VIRMA: variants seen among roughly 807,000 people sequenced by gnomAD.
The protein encoded by VIRMA is vir like m6A methyltransferase associated, also known as protein virilizer homolog.
In VIRMA, 65 loss-of-function variants were observed where a neutral mutation model predicts 182.4. That is an observed-to-expected ratio of 0.36 (90% CI 0.29 to 0.44). The LOEUF (loss-of-function observed/expected upper bound fraction) is 0.44. Among genes scored for constraint, VIRMA ranks in the 20% least tolerant of loss-of-function variants. VIRMA has a pLI of 1.00. For synonymous variants in VIRMA, 709 were observed against 743.1 expected (o/e 0.95, Z 0.75); for missense variants, 1,752 against 2,158.1 (o/e 0.81, Z 3.73).
In VIRMA at chr8:94,553,391, G is replaced by A. The variant is rs754095631; in HGVS notation, c.57C>T (p.Ser19=). The change falls in exon 1 of 24, where the codon AGC becomes AGT. Residue 19 remains serine (S), a synonymous_variant. Coordinates refer to ENST00000297591, the MANE Select transcript of VIRMA (RefSeq NM_015496.5). The part of the protein sequence containing the change: ...LLFLDTFKHP[S]AEQSSHIDVV... ...TCAAGTCGCCAAGCCTTACCTCAGC[G>A]CTCGGGTGTTTAAAAGTATCTAAAA... 1 of 1,613,968 alleles carries A rather than the reference G, an allele frequency of 6.2e-7. No individual in the cohort carries two copies. Among genetic ancestry groups the A allele is most frequent in the African/African-American group, 1.3e-5 (1 of 74,922 alleles).
At chr8:94,532,277 T>C (rs561470671) in intron 5 of VIRMA, among the ~76,000 whole-genome samples, 1 of 152,264 alleles carries the variant, frequency 6.6e-6, no homozygotes, top group Non-Finnish European at 1.5e-5. Flanking sequence ...CAGCAAATTT[T>C]TGTATTTTTA....
chr8:94,539,748 T>G (rs767732166), intron 2 of VIRMA, among the ~76,000 whole-genome samples: 33 of 152,152 alleles, frequency 2.2e-4, no homozygotes, highest in Non-Finnish European at 4.0e-4. Context: ...TAATCCCCAA[T>G]GCAACAGTGT....
intron 14 of VIRMA, among the ~76,000 whole-genome samples, 174 bp downstream of exon 14, chr8:94,510,243 A>G (rs1814316017): frequency 6.6e-6 from 1 of 152,220 alleles, no homozygotes; most frequent in African/African-American, 2.4e-5. Flanking sequence ...TTCTAATTTT[A>G]AAAGTCTACA....
intron 22 of VIRMA, 134 bp downstream of exon 22, chr8:94,491,444 A>T: frequency 1.3e-6 from 1 of 763,022 alleles, no homozygotes; most frequent in Non-Finnish European, 2.1e-6. Flanking sequence ...AAACAGTACC[A>T]CTAGTCCAGA....
intron 2 of VIRMA, among the ~76,000 whole-genome samples, chr8:94,538,810 C>T (rs777926015): frequency 2.6e-5 from 4 of 152,088 alleles, no homozygotes; most frequent in African/African-American, 4.8e-5. Context: ...AATGGGGTTT[C>T]GCTATGTTAG....
intron 15 of VIRMA, among the ~76,000 whole-genome samples, chr8:94,507,377 C>G (rs888737338): frequency 6.6e-6 from 1 of 151,692 alleles, no homozygotes; most frequent in South Asian, 2.1e-4. Context: ...TCAGGTGATC[C>G]ACCTGCCTCG....
intron 6 of VIRMA, among the ~76,000 whole-genome samples, chr8:94,530,538 A>C (rs946242534): frequency 6.6e-6 from 1 of 152,066 alleles, no homozygotes; most frequent in Admixed American, 6.6e-5. Flanking sequence ...AAAAAGAAAA[A>C]GAAAAACACA....
At chr8:94,508,141 C>T (rs1326429870) in intron 15 of VIRMA, among the ~76,000 whole-genome samples, 6 of 151,998 alleles carry the variant, frequency 3.9e-5, no homozygotes, top group South Asian at 4.1e-4. Context: ...CCCAGGAGTG[C>T]AGTGGCGCAA....
chr8:94,521,628 ACTG>A (rs1211478745), intron 8 of VIRMA, among the ~76,000 whole-genome samples: 2 of 152,214 alleles, frequency 1.3e-5, no homozygotes, highest in Non-Finnish European at 2.9e-5. Flanking sequence ...CATTTTAGTC[ACTG>A]CAAATGGTAA....
chr8:94,552,434 G>A (rs562767350), intron 1 of VIRMA, among the ~76,000 whole-genome samples: 1 of 152,150 alleles, frequency 6.6e-6, no homozygotes, highest in African/African-American at 2.4e-5. Flanking sequence ...CTGAGAAAAA[G>A]AGAAATTATA....
At chr8:94,507,388 G>GCCTC (rs1280009830) in intron 15 of VIRMA, among the ~76,000 whole-genome samples, 1 of 151,536 alleles carries the variant, frequency 6.6e-6, no homozygotes, top group Non-Finnish European at 1.5e-5. Context: ...ACCTGCCTCG[G>GCCTC]CCTCCCAAAG....
At chr8:94,519,625 G>C in intron 8 of VIRMA, 149 bp from the exon 9 acceptor site, 1 of 755,920 alleles carries the variant, frequency 1.3e-6, no homozygotes, top group South Asian at 3.3e-5. Context: ...TAATGTGAGT[G>C]GCAAGTCTTC....
Position 94,529,442 on chromosome 8 carries a change from A to G in VIRMA, c.608-100T>C, listed in dbSNP as rs930482145. On this transcript the variant is annotated intron_variant, in intron 6 of 23. Transcript: ENST00000297591. ...AACTACTTAATATTTTGGTTGATAT[A>G]GTTTATAAATACCCTTAAAAAAAAA... 6.2e-6 allele frequency: 4 copies of G among 643,278 alleles called. No individual in the cohort carries two copies. In the African/African-American group the frequency reaches 7.3e-5, roughly 12 times the overall value. 39.8% of individuals were successfully genotyped at this position (643,278 alleles called of 1,614,324 possible).
chr8:94,536,144 G>T lies in VIRMA; in HGVS notation c.315+959C>A, dbSNP rs1470130969. ...TTCTGGAGGCACGATAAGGAAAAAA[G>T]AAATTAATATTTCTTTGTTAGACTA... On this transcript the variant is annotated intron_variant, in intron 4 of 23. Coordinates refer to ENST00000297591, the MANE Select transcript of VIRMA (RefSeq NM_015496.5). Among the ~76,000 whole-genome samples, 3 of 152,158 alleles carry T rather than the reference G, an allele frequency of 2.0e-5. 1 individual carries two copies. The highest frequency in any genetic ancestry group is 2.0e-4 in the Admixed American group (3 of 15,276).
chr8:94,547,988 G>GAGC (rs777196547), intron 1 of VIRMA, among the ~76,000 whole-genome samples: 6,078 of 150,628 alleles, frequency 0.04, 219 homozygotes, highest in Non-Finnish European at 0.05. Context: ...TAAGCCATAA[G>GAGC]CACACCACTG....
chr8:94,535,064 A>G, intron 4 of VIRMA, 57 bp from the exon 5 acceptor site: 1 of 1,527,538 alleles, frequency 6.5e-7, no homozygotes, highest in East Asian at 2.3e-5. Context: ...AAATGCTAGA[A>G]GTTAGCTGAT....
chr8:94,541,133 T>C (rs1368681418), intron 2 of VIRMA, among the ~76,000 whole-genome samples: 1 of 152,016 alleles, frequency 6.6e-6, no homozygotes, highest in East Asian at 1.9e-4. Flanking sequence ...TATTACTTTT[T>C]TTTTTTTTGA....
Position 94,512,102 on chromosome 8 carries a change from A to G in VIRMA, c.2752-13T>C. The G allele has an allele frequency of 7.2e-7, 1 of 1,385,060 alleles. No individual in the cohort carries two copies. Among genetic ancestry groups the G allele is most frequent in the Non-Finnish European group, 9.6e-7 (1 of 1,043,068 alleles). The allele number at this position is 1,385,060 out of a possible 1,614,324, so 85.8% of individuals were successfully genotyped here. A position where few individuals can be genotyped will look rare whatever the true frequency, so the allele number is the denominator to read the frequency against. ...AGTTATCGATATTCTTTAAAAATGA[A>G]AATGAACAGAATATTTCGTTTCTTA... On this transcript the variant is annotated splice_polypyrimidine_tract_variant and intron_variant, in intron 11 of 23. Transcript: ENST00000297591.
Position 94,522,763 on chromosome 8 carries a change from T to C in VIRMA, c.2022-3287A>G, listed in dbSNP as rs56764247. Among the ~76,000 whole-genome samples, 673 of 152,328 alleles carry C rather than the reference T, an allele frequency of 4.4e-3. 5 individuals carry two copies. Among genetic ancestry groups the C allele is most frequent in the African/African-American group, 0.016 (652 of 41,574 alleles). On this transcript the variant is annotated intron_variant, in intron 8 of 23. Transcript: ENST00000297591. ...GGCAAAGTACTTAAAACCCAGTACC[T>C]AGAAACCTCAGACTATCTTATCTTC...
Sources: allele counts gnomAD v4.1 joint callset (sites outside exome capture counted in the v4.1 genomes callset), GRCh38; gene constraint gnomAD v4.1.1; transcripts MANE v1.5; gene names NCBI Gene and HGNC (gene_info 2026-07-23, HGNC 2026-07-21).